The following TGFBR2 variants were observed in gnomAD, a reference collection of about 807,000 sequenced individuals.
TGFBR2 encodes transforming growth factor beta receptor 2, also known as TGF-beta receptor type-2.
A neutral mutation model predicts 49.0 loss-of-function variants in TGFBR2; 18 were observed. The ratio of observed to expected loss-of-function variants is 0.37; its 90% CI spans 0.25 to 0.54. The LOEUF (loss-of-function observed/expected upper bound fraction) is 0.54. Among genes scored for constraint, TGFBR2 ranks in the 20% least tolerant of loss-of-function variants. TGFBR2 has a pLI of 0.85. For synonymous variants in TGFBR2, 282 were observed against 275.9 expected, an observed-to-expected ratio of 1.02 and a Z score of -0.22; for missense variants, 525 against 722.6, an observed-to-expected ratio of 0.73 and a Z score of 3.13.
At chr3:30,617,966 C>T (rs765687482) in intron 1 of TGFBR2, among the ~76,000 whole-genome samples, 12 of 152,198 alleles carry the variant, frequency 7.9e-5, no homozygotes, top group Admixed American at 1.3e-4. Flanking sequence ...TAGTGGATCA[C>T]ATCAGGCTTG....
At chr3:30,619,363 C>G (rs567407509) in intron 1 of TGFBR2, among the ~76,000 whole-genome samples, 4 of 152,300 alleles carry the variant, frequency 2.6e-5, no homozygotes, top group Admixed American at 6.5e-5. Flanking sequence ...AAATCTCCCC[C>G]CAGATGGCAT....
chr3:30,630,444 C>A (rs1402591243), intron 1 of TGFBR2, among the ~76,000 whole-genome samples: 1 of 152,200 alleles, frequency 6.6e-6, no homozygotes, highest in Non-Finnish European at 1.5e-5. Flanking sequence ...TGTGGTCATT[C>A]CCCATGGATG....
chr3:30,666,742 G>A lies in TGFBR2; in HGVS notation c.455-4896G>A, dbSNP rs180925621. Among the ~76,000 whole-genome samples the A allele has an allele frequency of 5.7e-3, 856 of 149,590 alleles. 10 individuals are homozygous for A. The highest frequency in any genetic ancestry group is 0.02 in the African/African-American group (827 of 40,572). On this transcript the variant is annotated intron_variant, in intron 3 of 6. Coordinates refer to ENST00000295754, the MANE Select transcript of TGFBR2 (RefSeq NM_003242.6). ...GCCTTGAACTCCTGCCTCAAGTAAA[G>A]TAATCCTCCTGCCTCAGCCACCGTA...
intron 2 of TGFBR2, among the ~76,000 whole-genome samples, chr3:30,645,692 G>C (rs368994600): frequency 2.6e-5 from 4 of 151,992 alleles, no homozygotes; most frequent in African/African-American, 9.6e-5. Flanking sequence ...CACCATGTTG[G>C]CCAGGCTGGT....
chr3:30,658,148 A>G (rs558966168), intron 3 of TGFBR2, among the ~76,000 whole-genome samples: 4 of 152,360 alleles, frequency 2.6e-5, no homozygotes, highest in Admixed American at 2.6e-4. Context: ...CTTCATTTAC[A>G]AAAACAGGGC....
intron 5 of TGFBR2, among the ~76,000 whole-genome samples, chr3:30,675,946 T>C (rs1403286524): frequency 6.6e-6 from 1 of 152,224 alleles, no homozygotes; most frequent in Non-Finnish European, 1.5e-5. Flanking sequence ...ATTGATCTAA[T>C]GTGCATGCCT....
rs1376469769 is a variant in TGFBR2 at position 30,645,839 on chromosome 3, T to TCTCTCC, written c.263+927_263+928insTCCCTC. ...TTTCTCCTCTCTCTCTCTCTCTCTCTCTCATTCCCTCCAACTCATACATAC... is the reference window on the plus strand; with the variant it reads ...TTTCTCCTCTCTCTCTCTCTCTCTCTCTCTCCCTCATTCCCTCCAACTCATACATAC... On this transcript the variant is annotated intron_variant, in intron 2 of 6. Transcript: ENST00000295754. Among the ~76,000 whole-genome samples, 21 of 152,048 alleles carry TCTCTCC rather than the reference T, an allele frequency of 1.4e-4. No homozygotes were observed. The East Asian group carries it at 2.3e-3, about 17-fold the overall frequency.
At chr3:30,623,082 T>C (rs1698263659) in intron 1 of TGFBR2, 1 of 685,426 alleles carries the variant, frequency 1.5e-6, no homozygotes, top group South Asian at 1.7e-5. Context: ...TATAATAATC[T>C]TTTAATAATC....
At position 30,689,523 on chromosome 3, in the gene TGFBR2, C is replaced by T. The variant is rs192024809; in HGVS notation, c.1524+1012C>T. 1.5e-4 allele frequency among the ~76,000 whole-genome samples: 23 copies of T among 152,278 alleles called. No homozygotes were observed. The East Asian group carries it at 2.1e-3, about 14-fold the overall frequency. ...ACAGAAACAACAAATCAGGCACAATCGGGAAGACAAATGGAGCAGGAAGTC... is the reference window on the plus strand; with the variant it reads ...ACAGAAACAACAAATCAGGCACAATTGGGAAGACAAATGGAGCAGGAAGTC... On this transcript the variant is annotated intron_variant, in intron 6 of 6. Transcript: ENST00000295754.
intron 1 of TGFBR2, among the ~76,000 whole-genome samples, chr3:30,633,192 T>G (rs1698468619): frequency 6.6e-6 from 1 of 152,234 alleles, no homozygotes; most frequent in South Asian, 2.1e-4. Context: ...ATAAGTTATT[T>G]CATCTCTTTG....
chr3:30,653,372 CTCTCAAGTAGCTGGGATTACAGGCA>C (rs1698932737), intron 3 of TGFBR2, among the ~76,000 whole-genome samples: 1 of 151,626 alleles, frequency 6.6e-6, no homozygotes, highest in Non-Finnish European at 1.5e-5. Context: ...CTGCCTCAGC[CTCTCAAGTAGCTGGGATTACAGGCA>C]TCTGCCACCA....
chr3:30,661,489 G>A (rs1453465646), intron 3 of TGFBR2: 2 of 456,270 alleles, frequency 4.4e-6, no homozygotes, highest in African/African-American at 4.0e-5. Flanking sequence ...GCTGAATCAG[G>A]GTTTTAATGG....
intron 1 of TGFBR2, among the ~76,000 whole-genome samples, chr3:30,642,346 G>A (rs1031516227): frequency 2.6e-5 from 4 of 152,114 alleles, no homozygotes; most frequent in East Asian, 3.9e-4. Flanking sequence ...TCTGTTTATT[G>A]TGTTTTTTCC....
At chr3:30,684,681 C>T (rs989658862) in intron 5 of TGFBR2, among the ~76,000 whole-genome samples, 1 of 151,828 alleles carries the variant, frequency 6.6e-6, no homozygotes, top group Non-Finnish European at 1.5e-5. Context: ...ACCCATAAGT[C>T]GAAGATGGGA....
In TGFBR2 at chr3:30,672,751, T is replaced by G. The variant is rs1699365541; in HGVS notation, c.1254+314T>G. Among the ~76,000 whole-genome samples the G allele has an allele frequency of 6.6e-6, 1 of 152,220 alleles. No homozygotes were observed. Among genetic ancestry groups the G allele is most frequent in the Admixed American group, 6.5e-5 (1 of 15,280 alleles). On this transcript the variant is annotated intron_variant, in intron 4 of 6. Coordinates refer to ENST00000295754, the MANE Select transcript of TGFBR2 (RefSeq NM_003242.6). The surrounding 1 kb of genome is among the most constrained non-coding windows in gnomAD (Gnocchi z 4.5). Reference sequence around the variant, plus strand: ...TTTCAAGCACTGTTAGTACTTTACCTCTATTTTTTCCCTCTCTTATGGTTG... The same window carrying G: ...TTTCAAGCACTGTTAGTACTTTACCGCTATTTTTTCCCTCTCTTATGGTTG...
chr3:30,632,101 T>C (rs1274437898), intron 1 of TGFBR2, among the ~76,000 whole-genome samples: 1 of 152,180 alleles, frequency 6.6e-6, no homozygotes, highest in Non-Finnish European at 1.5e-5. Context: ...CTGTAATTCT[T>C]TCATCAGCTG....
intron 1 of TGFBR2, among the ~76,000 whole-genome samples, chr3:30,621,946 A>G (rs1391809631): frequency 6.6e-6 from 1 of 152,160 alleles, no homozygotes; most frequent in Non-Finnish European, 1.5e-5. Context: ...CCCAAGGTAT[A>G]ACTTATTTCA....
At chr3:30,684,938 T>C (rs910235284) in intron 5 of TGFBR2, among the ~76,000 whole-genome samples, 1 of 152,170 alleles carries the variant, frequency 6.6e-6, no homozygotes, top group Non-Finnish European at 1.5e-5. Context: ...TTACAATAAA[T>C]TGTGTAGTGT....
At chr3:30,677,124 G>A (rs1376518177) in intron 5 of TGFBR2, among the ~76,000 whole-genome samples, 1 of 152,166 alleles carries the variant, frequency 6.6e-6, no homozygotes, top group Non-Finnish European at 1.5e-5. Flanking sequence ...TGTCAGTGCA[G>A]CCAGCTTATT....
Sources: gnomAD v4.1 joint callset for allele counts (sites outside exome capture counted in the v4.1 genomes callset) on GRCh38, gnomAD v4.1.1 for gene constraint, Gnocchi (gnomAD v3.1) non-coding constraint, MANE v1.5 for transcripts, NCBI Gene and HGNC (gene_info 2026-07-23, HGNC 2026-07-21) for gene names.